The following AEBP2 variants were observed in gnomAD, a reference collection of about 807,000 sequenced individuals.
AEBP2 encodes the protein zinc finger protein AEBP2.
Under a neutral mutation model 50.8 loss-of-function variants are expected in AEBP2, and 10 were observed. The ratio of observed to expected loss-of-function variants is 0.20; its 90% CI spans 0.12 to 0.33. AEBP2 has a LOEUF of 0.33. Among genes scored for constraint, AEBP2 ranks in the 10% least tolerant of loss-of-function variants. The pLI, the probability that AEBP2 is intolerant of heterozygous loss-of-function variation, is 1.00. For missense variants in AEBP2, 570 were observed against 688.0 expected, an observed-to-expected ratio of 0.83 and a Z score of 1.92; for synonymous variants, 296 against 261.3, an observed-to-expected ratio of 1.13 and a Z score of -1.28.
chr12:19,422,769 G>A (rs2095746469), intron 1 of AEBP2, among the ~76,000 whole-genome samples: 1 of 152,090 alleles, frequency 6.6e-6, no homozygotes, highest in South Asian at 2.1e-4. Flanking sequence ...AGAGCTGTAA[G>A]AACATCTGCC....
At chr12:19,488,290 A>ATTTTTTTT (rs34804680) in intron 3 of AEBP2, among the ~76,000 whole-genome samples, 3 of 118,414 alleles carry the variant, frequency 2.5e-5, no homozygotes, top group African/African-American at 3.2e-5. Context: ...TAATTTTTGT[A>ATTTTTTTT]TTTTTTTTTT....
chr12:19,495,456 C>A (rs1948962013), intron 4 of AEBP2, among the ~76,000 whole-genome samples: 1 of 151,930 alleles, frequency 6.6e-6, no homozygotes, highest in South Asian at 2.1e-4. Flanking sequence ...AATGAACAAA[C>A]CAGAAAACTT....
intron 2 of AEBP2, among the ~76,000 whole-genome samples, chr12:19,469,272 C>T (rs1323345731): frequency 6.6e-6 from 1 of 151,926 alleles, no homozygotes; most frequent in Non-Finnish European, 1.5e-5. Context: ...TTTTTTTTTC[C>T]TGGACATTCT....
At chr12:19,479,636 G>A (rs1948696484) in intron 3 of AEBP2, among the ~76,000 whole-genome samples, 1 of 148,178 alleles carries the variant, frequency 6.7e-6, no homozygotes, top group African/African-American at 2.5e-5. Context: ...GGGAGCTCCA[G>A]TTGGGTGCAT....
chr12:19,443,438 G>A (rs115563192), intron 1 of AEBP2, among the ~76,000 whole-genome samples: 1 of 151,602 alleles, frequency 6.6e-6, no homozygotes, highest in Admixed American at 6.6e-5. Context: ...AGATAATTAG[G>A]CCGGGCATGG....
At chr12:19,511,284 A>G (rs1311123741) in intron 5 of AEBP2, among the ~76,000 whole-genome samples, 1 of 152,140 alleles carries the variant, frequency 6.6e-6, no homozygotes, top group Non-Finnish European at 1.5e-5. Flanking sequence ...CTTCTGTAAA[A>G]CATTAATGCT....
At chr12:19,504,380 G>GCCCCCC (rs55796210) in intron 5 of AEBP2, among the ~76,000 whole-genome samples, 1 of 149,354 alleles carries the variant, frequency 6.7e-6, no homozygotes, top group Non-Finnish European at 1.5e-5. Context: ...GAATACAGGC[G>GCCCCCC]CCCCCCCCAC....
intron 4 of AEBP2, among the ~76,000 whole-genome samples, chr12:19,494,391 G>A (rs1366733970): frequency 6.6e-6 from 1 of 151,714 alleles, no homozygotes; most frequent in African/African-American, 2.4e-5. Flanking sequence ...AGCCGTGATC[G>A]CGCCACCACA....
At chr12:19,480,433 G>C (rs933866465) in intron 3 of AEBP2, among the ~76,000 whole-genome samples, 1 of 152,108 alleles carries the variant, frequency 6.6e-6, no homozygotes, top group Non-Finnish European at 1.5e-5. Flanking sequence ...TGTGTTTCGA[G>C]GTTTTATTTC....
intron 3 of AEBP2, among the ~76,000 whole-genome samples, chr12:19,487,934 C>T (rs944371034): frequency 2.0e-5 from 3 of 151,716 alleles, no homozygotes; most frequent in Admixed American, 6.6e-5. Flanking sequence ...TTTTGTGGTG[C>T]GCAAGATGAA....
intron 1 of AEBP2, among the ~76,000 whole-genome samples, chr12:19,445,147 A>C (rs1948037294): frequency 6.6e-6 from 1 of 151,868 alleles, no homozygotes; most frequent in Admixed American, 6.6e-5. Context: ...TTAAGTGTTT[A>C]CTGTGTGATG....
At chr12:19,408,112 T>C (rs2153362913) in intron 1 of AEBP2, among the ~76,000 whole-genome samples, 1 of 152,292 alleles carries the variant, frequency 6.6e-6, no homozygotes, top group Admixed American at 6.5e-5. Flanking sequence ...TGCTGTTCTT[T>C]TTGTAAGGAT....
chr12:19,437,449 C>G (rs547278510), upstream of AEBP2, among the ~76,000 whole-genome samples: 4 of 152,124 alleles, frequency 2.6e-5, no homozygotes, highest in Non-Finnish European at 2.9e-5. Context: ...TCATGGCTCA[C>G]TGCAGCCTCA....
At chr12:19,462,823 C>A in intron 2 of AEBP2, 106 bp downstream of exon 2, 2 of 1,037,848 alleles carry the variant, frequency 1.9e-6, no homozygotes, top group Non-Finnish European at 1.4e-6. Flanking sequence ...ATTATTTTTA[C>A]ACAGGCTTAG....
intron 3 of AEBP2, among the ~76,000 whole-genome samples, chr12:19,488,851 G>A (rs1948855400): frequency 6.6e-6 from 1 of 151,998 alleles, no homozygotes; most frequent in African/African-American, 2.4e-5. Context: ...GAGCAATGGT[G>A]CGATCTTGGC....
rs958871096 is a variant in AEBP2 at position 19,520,361 on chromosome 12, G to A, written c.*2244G>A. The A allele has an allele frequency of 6.6e-6, 1 of 152,058 alleles. No individual in the cohort carries two copies. Among genetic ancestry groups the A allele is most frequent in the East Asian group, 1.9e-4 (1 of 5,198 alleles). 9.4% of individuals were successfully genotyped at this position (152,058 alleles called of 1,614,324 possible). ...TACTTAGATGTCAAAACCAGATTTC[G>A]TGATCCTTGATTAACTTCTGAGTAC... On this transcript the variant is annotated 3_prime_UTR_variant, in exon 8 of 8. Coordinates refer to ENST00000266508, the MANE Select transcript of AEBP2 (RefSeq NM_153207.5).
chr12:19,444,775 A>G (rs1001531982), intron 1 of AEBP2, among the ~76,000 whole-genome samples: 1 of 152,214 alleles, frequency 6.6e-6, no homozygotes, highest in African/African-American at 2.4e-5. Flanking sequence ...TTTGGAGGGC[A>G]GGGACATTTT....
At chr12:19,481,538 C>T (rs1210923529) in intron 3 of AEBP2, among the ~76,000 whole-genome samples, 1 of 150,870 alleles carries the variant, frequency 6.6e-6, no homozygotes, top group Non-Finnish European at 1.5e-5. Flanking sequence ...GTGGTACAGT[C>T]TTGGTTTATT....
chr12:19,489,339 A>G (rs1264330453), intron 3 of AEBP2, among the ~76,000 whole-genome samples: 1 of 152,040 alleles, frequency 6.6e-6, no homozygotes, highest in Non-Finnish European at 1.5e-5. Flanking sequence ...GTGCAGGGGA[A>G]CCTGCCATTT....
Sources: allele counts gnomAD v4.1 joint callset (sites outside exome capture counted in the v4.1 genomes callset), GRCh38; gene constraint gnomAD v4.1.1; transcripts MANE v1.5; gene names NCBI Gene and HGNC (gene_info 2026-07-23, HGNC 2026-07-21).